The following SLCO2B1 variants were observed in gnomAD, a reference collection of about 807,000 sequenced individuals.
SLCO2B1 encodes the protein OATP-RP2.
In SLCO2B1, 41 loss-of-function variants were observed where a neutral mutation model predicts 67.3. That is an observed-to-expected ratio of 0.61 (90% CI 0.47 to 0.79). SLCO2B1 has a LOEUF of 0.79. Ranked by LOEUF, SLCO2B1 falls within the 30% of genes least tolerant of loss-of-function variation. The pLI, the probability that SLCO2B1 is intolerant of heterozygous loss-of-function variation, is 0.00. For missense variants in SLCO2B1, 837 were observed against 920.1 expected (o/e 0.91, Z 1.17); for synonymous variants, 379 against 381.4 (o/e 0.99, Z 0.07).
intron 8 of SLCO2B1, among the ~76,000 whole-genome samples, chr11:75,191,305 T>C (rs1204753167): frequency 3.3e-5 from 5 of 152,124 alleles, no homozygotes; most frequent in Non-Finnish European, 1.5e-5. Flanking sequence ...CCATGCCAGA[T>C]TGAAATTCAT....
intron 1 of SLCO2B1, among the ~76,000 whole-genome samples, chr11:75,161,409 G>T (rs549929519): frequency 1.6e-4 from 24 of 152,294 alleles, no homozygotes; most frequent in African/African-American, 5.8e-4. Flanking sequence ...CCACTGGATT[G>T]TGCACTTTTA....
intron 11 of SLCO2B1, chr11:75,201,397 T>C (rs1945180560): frequency 6.6e-6 from 1 of 152,142 alleles, no homozygotes. Context: ...TGTGGGGGTA[T>C]TTTCCCACAC....
chr11:75,162,906 T>A lies in SLCO2B1; in HGVS notation c.147+121T>A, dbSNP rs548865681. The A allele has an allele frequency of 1.8e-5, 22 of 1,222,366 alleles. No individual in the cohort carries two copies. The South Asian group carries it at 2.9e-4, about 16-fold the overall frequency. 75.7% of individuals were successfully genotyped at this position (1,222,366 alleles called of 1,614,324 possible). A position where few individuals can be genotyped will look rare whatever the true frequency, so the allele number is the denominator to read the frequency against. On this transcript the variant is annotated intron_variant, in intron 2 of 13. Coordinates refer to ENST00000289575, the MANE Select transcript of SLCO2B1 (RefSeq NM_007256.5). ...TCGGTTTCCTCATCTATAGAATGTG[T>A]GGCTGTGAGGATCAAAGGGATGATC...
rs1482920449 is a variant in SLCO2B1, at chr11:75,205,386, G to A, written c.*806G>A. 1 of 152,304 alleles carries A rather than the reference G, an allele frequency of 6.6e-6. No individual in the cohort carries two copies. Among genetic ancestry groups the A allele is most frequent in the Non-Finnish European group, 1.5e-5 (1 of 68,074 alleles). 9.4% of individuals were successfully genotyped at this position (152,304 alleles called of 1,614,324 possible). A position where few individuals can be genotyped will look rare whatever the true frequency, so the allele number is the denominator to read the frequency against. On this transcript the variant is annotated 3_prime_UTR_variant, in exon 14 of 14. Coordinates refer to ENST00000289575, the MANE Select transcript of SLCO2B1 (RefSeq NM_007256.5). ...AAGTCTGGGCCCTGGGGTAGGGAGGGAGACTCAGGCCCACACTTGGGTATT... is the reference window on the plus strand; with the variant it reads ...AAGTCTGGGCCCTGGGGTAGGGAGGAAGACTCAGGCCCACACTTGGGTATT...
intron 4 of SLCO2B1, 61 bp downstream of exon 4, chr11:75,166,010 G>A: frequency 6.5e-7 from 1 of 1,548,376 alleles, no homozygotes; most frequent in South Asian, 1.2e-5. Context: ...TTTGCGCTGG[G>A]GCCCACCCCA....
rs151046741 is a variant in SLCO2B1 at position 75,204,322 on chromosome 11, C to T, written c.1950-78C>T. The T allele has an allele frequency of 2.6e-5, 37 of 1,413,868 alleles. No homozygotes were observed. The African/African-American group carries it at 4.2e-4, about 16-fold the overall frequency. 87.6% of individuals were successfully genotyped at this position (1,413,868 alleles called of 1,614,324 possible). A position where few individuals can be genotyped will look rare whatever the true frequency, so the allele number is the denominator to read the frequency against. ...CCTGAGGCCTCAGTATCTCTGATTT[C>T]ACAATGAGTGATGACTGCTGACGTC... is the stretch of plus-strand genomic sequence containing the variant. On this transcript the variant is annotated intron_variant, in intron 13 of 13. Coordinates refer to ENST00000289575, the MANE Select transcript of SLCO2B1 (RefSeq NM_007256.5).
chr11:75,169,384 C>T lies in SLCO2B1; in HGVS notation c.660C>T (p.Asn220=), dbSNP rs893086282. The change falls in exon 5 of 14, where the codon AAC becomes AAT. Residue 220 remains asparagine (N), a synonymous_variant. Coordinates refer to ENST00000289575, the MANE Select transcript of SLCO2B1 (RefSeq NM_007256.5). ...CCTACATCGATGACTTTGCCCACAACAGCAACTCGCCCCTCTACCTCGGTG... is the reference window on the plus strand; with the variant it reads ...CCTACATCGATGACTTTGCCCACAATAGCAACTCGCCCCTCTACCTCGGTG... ...GISYIDDFAH[N]SNSPLYLGIL... is the part of the protein sequence containing the mutation. 1 of 1,603,022 alleles carries T rather than the reference C, an allele frequency of 6.2e-7. No homozygotes were observed. Among genetic ancestry groups the T allele is most frequent in the Non-Finnish European group, 8.5e-7 (1 of 1,172,518 alleles).
intron 9 of SLCO2B1, among the ~76,000 whole-genome samples, chr11:75,195,928 C>G (rs1482004827): frequency 6.6e-6 from 1 of 152,086 alleles, no homozygotes; most frequent in Non-Finnish European, 1.5e-5. Flanking sequence ...GCCCTGGCCA[C>G]CTGGAGCTGG....
At chr11:75,180,735 A>G (rs1245188577) in intron 7 of SLCO2B1, among the ~76,000 whole-genome samples, 3 of 152,192 alleles carry the variant, frequency 2.0e-5, no homozygotes, top group Non-Finnish European at 4.4e-5. Flanking sequence ...TGTACCATGC[A>G]ATGTTCTAAG....
chr11:75,155,142 TCC>T (rs1949732878), intron 1 of SLCO2B1, among the ~76,000 whole-genome samples: 2 of 152,028 alleles, frequency 1.3e-5, no homozygotes, highest in African/African-American at 4.8e-5. Flanking sequence ...CTGCCAGATC[TCC>T]TTCAAGAAAC....
intron 11 of SLCO2B1, 190 bp from the exon 12 acceptor site, chr11:75,202,711 G>C: frequency 1.6e-6 from 1 of 617,274 alleles, no homozygotes; most frequent in Non-Finnish European, 2.9e-6. Flanking sequence ...TTGTATATGG[G>C]ACCAGGCTCT....
In SLCO2B1 at chr11:75,172,470, C is replaced by T; in HGVS notation, c.873C>T (p.Ala291=). 2 of 1,614,154 alleles carry T rather than the reference C, an allele frequency of 1.2e-6. No homozygotes were observed. Among genetic ancestry groups the T allele is most frequent in the Non-Finnish European group, 1.7e-6 (2 of 1,179,994 alleles). Residue 291 remains alanine, a synonymous_variant, in exon 7 of 14, where the codon GCC becomes GCT. Transcript: ENST00000289575. The part of the protein sequence containing the change: ...LIAAGAVALA[A]IPYFFFPKEM... Reference sequence around the variant, plus strand: ...CTGCCGGTGCAGTGGCCCTGGCTGCCATCCCCTACTTCTTCTTCCCCAAGG... The same window carrying T: ...CTGCCGGTGCAGTGGCCCTGGCTGCTATCCCCTACTTCTTCTTCCCCAAGG...
chr11:75,193,005 TGCACCCCA>T lies in SLCO2B1; in HGVS notation c.1076-210_1076-203del, dbSNP rs1209100748. ...TTGCAGTGAGCTGAGATTGCGCCAC[TGCACCCCA>T]GCCTGGGCGACAGAGAGAGAAAAAA... On this transcript the variant is annotated intron_variant, in intron 8 of 13. Coordinates refer to ENST00000289575, the MANE Select transcript of SLCO2B1 (RefSeq NM_007256.5). The surrounding 1 kb of genome is among the most constrained non-coding windows in gnomAD (Gnocchi z 4.2). Among the ~76,000 whole-genome samples the T allele has an allele frequency of 2.0e-5, 3 of 152,010 alleles. No homozygotes were observed. Among genetic ancestry groups the T allele is most frequent in the Admixed American group, 6.6e-5 (1 of 15,264 alleles).
intron 4 of SLCO2B1, among the ~76,000 whole-genome samples, chr11:75,168,450 A>G (rs1014148162): frequency 6.6e-6 from 1 of 152,172 alleles, no homozygotes; most frequent in African/African-American, 2.4e-5. Flanking sequence ...TTGGGATAAT[A>G]ATAGTGTGAG....
intron 4 of SLCO2B1, among the ~76,000 whole-genome samples, chr11:75,168,185 G>A (rs895065088): frequency 3.3e-5 from 5 of 152,094 alleles, no homozygotes; most frequent in East Asian, 1.9e-4. Flanking sequence ...GAGCCACAGC[G>A]CCTGGCCAAA....
rs76732674 is a variant in SLCO2B1 at position 75,175,730 on chromosome 11, G to C, written c.972+3161G>C. ...GGAGAAATATGTGAGCATTTTCACA[G>C]GGGAAAAGAGGGGTGCATTCCACAG... On this transcript the variant is annotated intron_variant, in intron 7 of 13. Transcript: ENST00000289575. 3.6e-3 allele frequency among the ~76,000 whole-genome samples: 541 copies of C among 152,268 alleles called. 2 individuals are homozygous for C. Among genetic ancestry groups the C allele is most frequent in the African/African-American group, 0.012 (516 of 41,514 alleles).
intron 11 of SLCO2B1, chr11:75,202,688 T>G: frequency 1.7e-6 from 1 of 591,868 alleles, no homozygotes; most frequent in Non-Finnish European, 3.0e-6. Context: ...TGATGGTCAG[T>G]GGGTGTGTTG....
chr11:75,181,373 A>AG (rs1174920811), intron 7 of SLCO2B1, among the ~76,000 whole-genome samples: 1 of 386 alleles, frequency 2.6e-3, no homozygotes, highest in East Asian at 0.1. Context: ...ACTCTGCCTC[A>AG]AAAAAAAAAA....
intron 10 of SLCO2B1, chr11:75,199,817 G>A (rs531210624): frequency 5.9e-6 from 1 of 169,090 alleles, no homozygotes; most frequent in Non-Finnish European, 1.3e-5. Context: ...TTGGCTGGAG[G>A]TTTTCCTCGC....
Sources: gnomAD v4.1 joint callset for allele counts (sites outside exome capture counted in the v4.1 genomes callset) on GRCh38, gnomAD v4.1.1 for gene constraint, Gnocchi (gnomAD v3.1) non-coding constraint, MANE v1.5 for transcripts, NCBI Gene and HGNC (gene_info 2026-07-23, HGNC 2026-07-21) for gene names.